The following MIDEAS variants were observed in gnomAD, a reference collection of about 807,000 sequenced individuals.
MIDEAS encodes the protein mitotic deacetylase-associated SANT domain protein.
MIDEAS carries 26 observed loss-of-function variants against 102.7 expected under a neutral mutation model. The observed-to-expected ratio is 0.25, with a 90% CI of 0.19 to 0.35. MIDEAS has a LOEUF of 0.35. Ranked by LOEUF, MIDEAS falls within the 10% of genes least tolerant of loss-of-function variation. The pLI, the probability that MIDEAS is intolerant of heterozygous loss-of-function variation, is 1.00. For missense variants in MIDEAS, 1,231 were observed against 1,435.6 expected (o/e 0.86, Z 2.30); for synonymous variants, 585 against 591.0 (o/e 0.99, Z 0.15).
At chr14:73,762,984 C>A (rs1465970154), upstream of MIDEAS, among the ~76,000 whole-genome samples, 1 of 152,186 alleles carries the variant, frequency 6.6e-6, no homozygotes, top group Non-Finnish European at 1.5e-5. Context: ...CTGGACTCCA[C>A]TCAGAGCGGT....
Position 73,716,705 on chromosome 14 carries a change from A to T in MIDEAS, c.*2138T>A, listed in dbSNP as rs1410330712. 3 of 133,328 alleles carry T rather than the reference A, an allele frequency of 2.3e-5. No homozygotes were observed. The highest frequency in any genetic ancestry group is 5.3e-5 in the Non-Finnish European group (3 of 56,692). 8.3% of individuals were successfully genotyped at this position (133,328 alleles called of 1,614,324 possible). On this transcript the variant is annotated 3_prime_UTR_variant, in exon 13 of 13. Transcript: ENST00000423556. ...CTCAAAAAAAAAAAAAAAAAAAAAA[A>T]AAAATTTTTTTTCCAAGTACAAGAT...
intron 1 of MIDEAS, among the ~76,000 whole-genome samples, chr14:73,755,199 G>A (rs1356644939): frequency 6.6e-6 from 1 of 152,204 alleles, no homozygotes; most frequent in Non-Finnish European, 1.5e-5. Flanking sequence ...GTTCCAGGAA[G>A]AGCAACAGCA....
chr14:73,771,078 A>G (rs928105165), intron 1 of MIDEAS, among the ~76,000 whole-genome samples: 13 of 152,102 alleles, frequency 8.5e-5, no homozygotes, highest in African/African-American at 3.1e-4. Flanking sequence ...ACACACAGCC[A>G]TCACTTGCCA....
rs1428546964 is a variant in MIDEAS, at chr14:73,725,684, A to G, written c.2486-324T>C. Among the ~76,000 whole-genome samples, 1 of 152,240 alleles carries G rather than the reference A, an allele frequency of 6.6e-6. No individual in the cohort carries two copies. The highest frequency in any genetic ancestry group is 1.5e-5 in the Non-Finnish European group (1 of 68,034). On this transcript the variant is annotated intron_variant, in intron 8 of 12. Coordinates refer to ENST00000423556, the MANE Select transcript of MIDEAS (RefSeq NM_001367710.1). This position sits in a 1 kb window ranked among gnomAD's most constrained non-coding sequence, Gnocchi z 4.1. The stretch of plus-strand genomic sequence containing the variant: ...CTGTTAGGATTATGTGACTCGGTCC[A>G]TGTCCTTCTTAAAGTGACCAGAACA...
upstream of MIDEAS, among the ~76,000 whole-genome samples, chr14:73,761,165 A>G (rs111894624): frequency 1.4e-4 from 21 of 152,234 alleles, no homozygotes; most frequent in African/African-American, 4.3e-4. Flanking sequence ...TTTGAAAGAA[A>G]AACCACCGAA....
In MIDEAS at chr14:73,741,377, G is replaced by A. The variant is rs527442509; in HGVS notation, c.-247-1122C>T. Among the ~76,000 whole-genome samples, 5 of 151,910 alleles carry A rather than the reference G, an allele frequency of 3.3e-5. No individual in the cohort carries two copies. The East Asian group carries it at 7.7e-4, about 24-fold the overall frequency. On this transcript the variant is annotated intron_variant, in intron 1 of 12. Coordinates refer to ENST00000423556, the MANE Select transcript of MIDEAS (RefSeq NM_001367710.1). ...TGTTTGGGTTTTGTTTTTTTCCTGGGAAGTTGGTGGGGGTGGGAGCTACAT... is the reference window on the plus strand; with the variant it reads ...TGTTTGGGTTTTGTTTTTTTCCTGGAAAGTTGGTGGGGGTGGGAGCTACAT...
At chr14:73,763,577 G>A (rs941005690), upstream of MIDEAS, among the ~76,000 whole-genome samples, 9 of 152,158 alleles carry the variant, frequency 5.9e-5, no homozygotes, top group Admixed American at 1.3e-4. Flanking sequence ...GCCAGCACAC[G>A]TGGTGTGTTT....
At chr14:73,789,321 C>T (rs2053847672), upstream of MIDEAS, among the ~76,000 whole-genome samples, 1 of 152,178 alleles carries the variant, frequency 6.6e-6, no homozygotes, top group Non-Finnish European at 1.5e-5. Context: ...ACTGCCACGT[C>T]CTAAGGCAGC....
rs751449317 is a variant in MIDEAS, at chr14:73,719,545, G to A, written c.2938-44C>T. The A allele has an allele frequency of 8.9e-6, 14 of 1,573,928 alleles. No individual in the cohort carries two copies. In the African/African-American group the frequency reaches 1.6e-4, roughly 18 times the overall value. On this transcript the variant is annotated intron_variant, in intron 11 of 12. Transcript: ENST00000423556. ...GGAGAGTTGAGTGATCTGAGCAAGCGCAGATCTGGAATTCTAAAATCGCAG... is the reference window on the plus strand; with the variant it reads ...GGAGAGTTGAGTGATCTGAGCAAGCACAGATCTGGAATTCTAAAATCGCAG...
At chr14:73,748,407 T>C (rs2053380049) in intron 1 of MIDEAS, among the ~76,000 whole-genome samples, 1 of 152,192 alleles carries the variant, frequency 6.6e-6, no homozygotes, top group Non-Finnish European at 1.5e-5. Context: ...GACACACGCC[T>C]GCAGTCCCAG....
intron 1 of MIDEAS, among the ~76,000 whole-genome samples, chr14:73,786,850 G>T (rs920868147): frequency 1.3e-5 from 2 of 149,422 alleles, no homozygotes; most frequent in African/African-American, 5.0e-5. Context: ...TCAGGCCAAC[G>T]GCGCCTGGAG....
At chr14:73,769,454 G>A (rs936567219) in intron 1 of MIDEAS, among the ~76,000 whole-genome samples, 10 of 152,158 alleles carry the variant, frequency 6.6e-5, no homozygotes, top group Non-Finnish European at 1.0e-4. Context: ...ATTATGGCCC[G>A]CCCCAACATG....
intron 1 of MIDEAS, among the ~76,000 whole-genome samples, chr14:73,781,934 A>G (rs2053761558): frequency 6.6e-6 from 1 of 151,872 alleles, no homozygotes; most frequent in Non-Finnish European, 1.5e-5. Flanking sequence ...GCAGACATCC[A>G]TAATCCCAGC....
rs73297460 is a variant in MIDEAS at position 73,718,644 on chromosome 14, G to A, written c.*199C>T. ...CGACAGACCAAATGCAAAGAGAGCTGGATCCTGGAGCCCTTAACGCTGCTC... is the reference window on the plus strand; with the variant it reads ...CGACAGACCAAATGCAAAGAGAGCTAGATCCTGGAGCCCTTAACGCTGCTC... On this transcript the variant is annotated 3_prime_UTR_variant, in exon 13 of 13. Coordinates refer to ENST00000423556, the MANE Select transcript of MIDEAS (RefSeq NM_001367710.1). 0.023 allele frequency: 11,055 copies of A among 472,870 alleles called. 1,090 individuals are homozygous for A. The highest frequency in any genetic ancestry group is 0.2 in the African/African-American group (10,036 of 49,106). 29.3% of individuals were successfully genotyped at this position (472,870 alleles called of 1,614,324 possible).
In MIDEAS at chr14:73,720,235, CCT is replaced by C. The variant is rs1491231867; in HGVS notation, c.2938-736_2938-735del. ...TAAGCATGAGTGTACTACACACATTCCTTTTTTTTTTTTTTTTTTTTGAGATG... is the reference window on the plus strand; with the variant it reads ...TAAGCATGAGTGTACTACACACATTCTTTTTTTTTTTTTTTTTTTGAGATG... On this transcript the variant is annotated intron_variant, in intron 11 of 12. Coordinates refer to ENST00000423556, the MANE Select transcript of MIDEAS (RefSeq NM_001367710.1). Among the ~76,000 whole-genome samples the C allele has an allele frequency of 1.1e-3, 148 of 138,680 alleles. 1 individual carries two copies. The highest frequency in any genetic ancestry group is 3.7e-3 in the African/African-American group (143 of 38,202). 91.0% of individuals were successfully genotyped at this position (138,680 alleles called of 152,430 possible). A position where few individuals can be genotyped will look rare whatever the true frequency, so the allele number is the denominator to read the frequency against.
At chr14:73,757,011 G>C (rs2053491779) in intron 1 of MIDEAS, among the ~76,000 whole-genome samples, 1 of 152,034 alleles carries the variant, frequency 6.6e-6, no homozygotes, top group African/African-American at 2.4e-5. Flanking sequence ...GGTAGTTCAA[G>C]ACTGTAATCC....
chr14:73,772,283 T>TA (rs1282658443), intron 1 of MIDEAS, among the ~76,000 whole-genome samples: 4 of 151,930 alleles, frequency 2.6e-5, no homozygotes, highest in Non-Finnish European at 4.4e-5. Flanking sequence ...GTCTTATAAA[T>TA]AAAAAAAAGA....
At chr14:73,719,222 T>TCCCCCCCCCCCC in intron 12 of MIDEAS, 83 bp downstream of exon 12, 10 of 1,497,112 alleles carry the variant, frequency 6.7e-6, no homozygotes, top group Admixed American at 4.3e-5. Flanking sequence ...CTGTACCTCT[T>TCCCCCCCCCCCC]CCCCCTCCCC....
chr14:73,781,357 T>G (rs983963068), intron 1 of MIDEAS, among the ~76,000 whole-genome samples: 1 of 152,242 alleles, frequency 6.6e-6, no homozygotes, highest in Non-Finnish European at 1.5e-5. Flanking sequence ...AATGTTGATT[T>G]ATTAAACTCA....
Sources: gnomAD v4.1 joint callset for allele counts (sites outside exome capture counted in the v4.1 genomes callset) on GRCh38, gnomAD v4.1.1 for gene constraint, Gnocchi (gnomAD v3.1) non-coding constraint, MANE v1.5 for transcripts, NCBI Gene and HGNC (gene_info 2026-07-23, HGNC 2026-07-21) for gene names.